Variants in MIPOL1 observed in about 807,000 individuals in gnomAD.
MIPOL1 encodes the protein mirror-image polydactyly 1, also known as mirror-image polydactyly gene 1 protein.
In MIPOL1, 57 loss-of-function variants were observed where a neutral mutation model predicts 60.9. The observed-to-expected ratio is 0.94, with a 90% CI of 0.76 to 1.17. The LOEUF is 1.17. Ranked by LOEUF, MIPOL1 falls within the 50% of genes most tolerant of loss-of-function variation. The pLI, the probability that MIPOL1 is intolerant of heterozygous loss-of-function variation, is 0.00. For missense variants in MIPOL1, 551 were observed against 511.6 expected (o/e 1.08, Z -0.74); for synonymous variants, 179 against 168.8 (o/e 1.06, Z -0.47).
intron 1 of MIPOL1, among the ~76,000 whole-genome samples, chr14:37,235,185 T>A (rs192571557): frequency 6.6e-6 from 1 of 152,248 alleles, no homozygotes; most frequent in Admixed American, 6.5e-5. Flanking sequence ...TTGTTCTCTC[T>A]TGTTCCATAC....
chr14:37,448,135 T>C (rs557635417), intron 11 of MIPOL1, among the ~76,000 whole-genome samples: 1 of 152,354 alleles, frequency 6.6e-6, no homozygotes, highest in African/African-American at 2.4e-5. Context: ...TCTCCAAAAC[T>C]GTTTCATAAT....
At chr14:37,204,178 A>G (rs1056497861) in intron 1 of MIPOL1, among the ~76,000 whole-genome samples, 1 of 152,050 alleles carries the variant, frequency 6.6e-6, no homozygotes, top group Non-Finnish European at 1.5e-5. Flanking sequence ...CCTGGCTGAC[A>G]CTTCGATTCC....
At chr14:37,485,491 TC>T (rs1351491999) in intron 11 of MIPOL1, among the ~76,000 whole-genome samples, 1 of 152,180 alleles carries the variant, frequency 6.6e-6, no homozygotes, top group Non-Finnish European at 1.5e-5. Context: ...CTCTCCAGCA[TC>T]TGTTGTTTCC....
At chr14:37,524,066 C>T (rs2095430819) in intron 12 of MIPOL1, among the ~76,000 whole-genome samples, 1 of 152,136 alleles carries the variant, frequency 6.6e-6, no homozygotes, top group African/African-American at 2.4e-5. Context: ...CTTATAGAAC[C>T]ATTTAACTTT....
chr14:37,472,454 T>C (rs1032024204), intron 11 of MIPOL1, among the ~76,000 whole-genome samples: 2 of 152,094 alleles, frequency 1.3e-5, no homozygotes, highest in Non-Finnish European at 2.9e-5. Context: ...AGTGAGAGTG[T>C]GCAGAGCACC....
intron 9 of MIPOL1, among the ~76,000 whole-genome samples, chr14:37,316,524 T>C (rs1207578784): frequency 6.6e-6 from 1 of 151,566 alleles, no homozygotes; most frequent in Non-Finnish European, 1.5e-5. Context: ...ACAACTTTTT[T>C]TCCCCCTCCT....
chr14:37,460,828 C>G (rs141912123), intron 11 of MIPOL1, among the ~76,000 whole-genome samples: 2 of 152,194 alleles, frequency 1.3e-5, no homozygotes, highest in South Asian at 2.1e-4. Context: ...ACAAGGAGAA[C>G]TACAAAACAC....
chr14:37,210,543 A>G (rs78283858), intron 1 of MIPOL1, among the ~76,000 whole-genome samples: 3 of 152,206 alleles, frequency 2.0e-5, no homozygotes, highest in African/African-American at 2.4e-5. Flanking sequence ...AAGTAGATGG[A>G]CTCGCGGGAT....
intron 9 of MIPOL1, among the ~76,000 whole-genome samples, chr14:37,345,788 G>A (rs540740911): frequency 1.3e-5 from 2 of 152,164 alleles, no homozygotes; most frequent in African/African-American, 2.4e-5. Flanking sequence ...ATAAACACTC[G>A]TATTTTTTAA....
At chr14:37,369,023 T>C (rs1366831197) in intron 9 of MIPOL1, among the ~76,000 whole-genome samples, 3 of 152,018 alleles carry the variant, frequency 2.0e-5, no homozygotes, top group Non-Finnish European at 4.4e-5. Context: ...TGGCTATTGC[T>C]TTTTTCCCTA....
chr14:37,329,095 A>G (rs2089451230), intron 9 of MIPOL1, among the ~76,000 whole-genome samples: 1 of 152,134 alleles, frequency 6.6e-6, no homozygotes, highest in Non-Finnish European at 1.5e-5. Context: ...ACAAAATTAT[A>G]GTTTTAAAAT....
intron 10 of MIPOL1, chr14:37,400,705 T>A (rs976345057): frequency 2.6e-5 from 4 of 152,174 alleles, no homozygotes; most frequent in African/African-American, 9.6e-5. Flanking sequence ...TTTTCTTAGA[T>A]CTTGGGAAGA....
At chr14:37,479,848 G>A (rs574601745) in intron 11 of MIPOL1, among the ~76,000 whole-genome samples, 5 of 152,148 alleles carry the variant, frequency 3.3e-5, no homozygotes, top group Non-Finnish European at 5.9e-5. Context: ...AGAAATGAAA[G>A]AGGAGACCGT....
At chr14:37,237,299 C>T (rs367726739) in intron 1 of MIPOL1, among the ~76,000 whole-genome samples, 151 of 152,248 alleles carry the variant, frequency 9.9e-4, no homozygotes, top group African/African-American at 3.5e-3. Context: ...ATCTACTCTG[C>T]TCCCTCTAGT....
At chr14:37,200,973 G>T (rs141425845) in intron 1 of MIPOL1, among the ~76,000 whole-genome samples, 4,586 of 146,450 alleles carry the variant, frequency 0.031, 89 homozygotes, top group Middle Eastern at 0.089. Flanking sequence ...GGTGATCTCG[G>T]TTCACTGCAG....
chr14:37,394,943 A>G (rs2093342339), intron 10 of MIPOL1, among the ~76,000 whole-genome samples: 1 of 152,172 alleles, frequency 6.6e-6, no homozygotes. Flanking sequence ...ATTTTTGTAT[A>G]AAGTGAGAGA....
At chr14:37,444,634 A>T (rs1161839985) in intron 11 of MIPOL1, among the ~76,000 whole-genome samples, 4 of 152,216 alleles carry the variant, frequency 2.6e-5, no homozygotes, top group Non-Finnish European at 5.9e-5. Flanking sequence ...AAAGTCACAG[A>T]TATCAAGACA....
At chr14:37,544,225 C>G (rs1370175350) in intron 12 of MIPOL1, among the ~76,000 whole-genome samples, 1 of 152,088 alleles carries the variant, frequency 6.6e-6, no homozygotes, top group Non-Finnish European at 1.5e-5. Flanking sequence ...AAACAACAAC[C>G]ATAGTGATAA....
At chr14:37,489,688 C>T (rs1041229197) in intron 11 of MIPOL1, among the ~76,000 whole-genome samples, 3 of 152,112 alleles carry the variant, frequency 2.0e-5, no homozygotes, top group African/African-American at 4.8e-5. Flanking sequence ...TTTTGGTTTT[C>T]CTTCTAACAG....
Sources: gnomAD v4.1 joint callset for allele counts (sites outside exome capture counted in the v4.1 genomes callset) on GRCh38, gnomAD v4.1.1 for gene constraint, MANE v1.5 for transcripts, NCBI Gene and HGNC (gene_info 2026-07-23, HGNC 2026-07-21) for gene names.